TRRAP: variants seen among roughly 807,000 people sequenced by gnomAD.
TRRAP encodes the protein transformation/transcription domain associated protein, also known as transformation/transcription domain-associated protein.
TRRAP carries 41 observed loss-of-function variants against 438.8 expected under a neutral mutation model. The ratio of observed to expected loss-of-function variants is 0.09; its 90% CI spans 0.07 to 0.12. The LOEUF is 0.12. Ranked by LOEUF, TRRAP falls within the 10% of genes least tolerant of loss-of-function variation. The pLI, the probability that TRRAP is intolerant of heterozygous loss-of-function variation, is 1.00. For missense variants in TRRAP, 3,122 were observed against 5,055.1 expected (o/e 0.62, Z 11.60); for synonymous variants, 1,994 against 1,962.9 (o/e 1.02, Z -0.42).
chr7:98,990,721 A>T, intron 64 of TRRAP, 102 bp downstream of exon 64: 1 of 1,332,336 alleles, frequency 7.5e-7, no homozygotes, highest in South Asian at 1.6e-5. Context: ...TCAAAGTATT[A>T]AAAACAAGTT....
intron 39 of TRRAP, among the ~76,000 whole-genome samples, chr7:98,952,214 C>T (rs1344176695): frequency 6.6e-6 from 1 of 152,128 alleles, no homozygotes; most frequent in African/African-American, 2.4e-5. Flanking sequence ...AATAGAGATG[C>T]GTAGAATATT....
chr7:98,957,435 C>T (rs1791669498), intron 43 of TRRAP, among the ~76,000 whole-genome samples: 2 of 152,214 alleles, frequency 1.3e-5, no homozygotes, highest in Non-Finnish European at 2.9e-5. Flanking sequence ...GTGGATCTTA[C>T]AATCCTTTGG....
chr7:98,988,919 G>T lies in TRRAP; in HGVS notation c.9544G>T (p.Ala3182Ser). ...GTCTGCCATCACCTGCTACCTGCAC[G>T]CCTGCCGGCATCAGAACGAGAGCAA... is the stretch of plus-strand genomic sequence containing the variant. ...GVSAITCYLH[A>S]CRHQNESKSR... The change falls in exon 63 of 73, where the codon GCC becomes TCC. Residue 3182 changes from alanine to serine, a missense_variant. Physicochemically the swap from Ala to Ser is moderately conservative, Grantham distance 99. This residue lies in a region of TRRAP where 52 missense variants were observed against 88.3 expected (regional missense o/e 0.59). Transcript: ENST00000456197. The T allele has an allele frequency of 6.2e-7, 1 of 1,614,060 alleles. No individual in the cohort carries two copies. The highest frequency in any genetic ancestry group is 8.5e-7 in the Non-Finnish European group (1 of 1,180,000).
chr7:98,976,301 A>G lies in TRRAP; in HGVS notation c.7959+33A>G. 1.2e-6 allele frequency: 2 copies of G among 1,611,002 alleles called. No homozygotes were observed. The highest frequency in any genetic ancestry group is 1.7e-6 in the Non-Finnish European group (2 of 1,178,434). On this transcript the variant is annotated intron_variant, in intron 54 of 72. Coordinates refer to ENST00000456197, the MANE Select transcript of TRRAP (RefSeq NM_001375524.1). The surrounding 1 kb of genome is among the most constrained non-coding windows in gnomAD (Gnocchi z 4.6). ...TATCTTTAAAATCCTGTTTTGGAAA[A>G]TTGTAGTTTTAGCTTTTGGTAAGTA...
chr7:98,881,650 G>A (rs1240012753), intron 2 of TRRAP: 4 of 299,962 alleles, frequency 1.3e-5, no homozygotes, highest in Non-Finnish European at 2.5e-5. Context: ...GAGATTAATC[G>A]TAACAGTAAC....
At chr7:98,998,997 C>T in intron 67 of TRRAP, 1 of 639,982 alleles carries the variant, frequency 1.6e-6, no homozygotes, top group Non-Finnish European at 2.8e-6. Flanking sequence ...CAGGCCCCCA[C>T]AGGCGGGGGC....
Position 98,882,087 on chromosome 7 carries a change from C to G in TRRAP, c.150+63C>G, listed in dbSNP as rs537355650. ...AAATATTCTTATTCACTTTCCTGTC[C>G]TGCTTTGTCAGTCTTTTTACTAGCA... On this transcript the variant is annotated intron_variant, in intron 3 of 72. Coordinates refer to ENST00000456197, the MANE Select transcript of TRRAP (RefSeq NM_001375524.1). 1,672 of 1,404,594 alleles carry G rather than the reference C, an allele frequency of 1.2e-3. 5 individuals carry two copies. Among genetic ancestry groups the G allele is most frequent in the Non-Finnish European group, 1.5e-3 (1,573 of 1,017,922 alleles). The allele number at this position is 1,404,594 out of a possible 1,614,324, so 87.0% of individuals were successfully genotyped here. A position where few individuals can be genotyped will look rare whatever the true frequency, so the allele number is the denominator to read the frequency against.
Position 99,008,840 on chromosome 7 carries a change from C to T in TRRAP, c.10938+279C>T, listed in dbSNP as rs117748990. ...CCCTCTGCCTGTACTTACAAAGAAGCGCCGAAATTAGAATTTTAAAGTAAG... is the reference window on the plus strand; with the variant it reads ...CCCTCTGCCTGTACTTACAAAGAAGTGCCGAAATTAGAATTTTAAAGTAAG... On this transcript the variant is annotated intron_variant, in intron 70 of 72. Coordinates refer to ENST00000456197, the MANE Select transcript of TRRAP (RefSeq NM_001375524.1). Among the ~76,000 whole-genome samples, 155 of 152,272 alleles carry T rather than the reference C, an allele frequency of 1.0e-3. 3 individuals are homozygous for T. The East Asian group carries it at 0.021, about 21-fold the overall frequency.
At chr7:98,884,140 A>G (rs1795587558) in intron 3 of TRRAP, among the ~76,000 whole-genome samples, 1 of 152,238 alleles carries the variant, frequency 6.6e-6, no homozygotes, top group African/African-American at 2.4e-5. Flanking sequence ...CTGGGAGGTT[A>G]TTAAGATGTT....
intron 30 of TRRAP, among the ~76,000 whole-genome samples, chr7:98,938,379 A>G (rs903075491): frequency 6.6e-6 from 1 of 152,148 alleles, no homozygotes; most frequent in African/African-American, 2.4e-5. Flanking sequence ...AGATGGCTTA[A>G]AATTGAAAAG....
chr7:98,909,880 G>A (rs1245535508), intron 14 of TRRAP, among the ~76,000 whole-genome samples, 176 bp from the exon 15 acceptor site: 1 of 152,194 alleles, frequency 6.6e-6, no homozygotes, highest in Non-Finnish European at 1.5e-5. Flanking sequence ...AGTAACTGCA[G>A]TTTCATCAGA....
In TRRAP at chr7:98,993,574, A is replaced by G; in HGVS notation, c.9884A>G (p.Gln3295Arg). Reference sequence around the variant, plus strand: ...CAGCAGCCAAGTTCAGTGGGTAACCAGTCCCATTCTGCATCAGATCCAGGG... The same window carrying G: ...CAGCAGCCAAGTTCAGTGGGTAACCGGTCCCATTCTGCATCAGATCCAGGG... ...GQQQPSSVGN[Q>R]SHSASDPGPI... Residue 3295 changes from glutamine to arginine, a missense_variant, in exon 66 of 73, where the codon CAG becomes CGG. Physicochemically the swap from Gln to Arg is conservative, Grantham distance 43 (BLOSUM62 1). This residue lies in a region of TRRAP where 107 missense variants were observed against 327.5 expected (regional missense o/e 0.33). Coordinates refer to ENST00000456197, the MANE Select transcript of TRRAP (RefSeq NM_001375524.1). 1 of 1,613,596 alleles carries G rather than the reference A, an allele frequency of 6.2e-7. No individual in the cohort carries two copies. Among genetic ancestry groups the G allele is most frequent in the Non-Finnish European group, 8.5e-7 (1 of 1,180,042 alleles).
At chr7:98,905,872 C>T (rs2116381162) in intron 12 of TRRAP, among the ~76,000 whole-genome samples, 1 of 152,230 alleles carries the variant, frequency 6.6e-6, no homozygotes, top group African/African-American at 2.4e-5. Context: ...GGGATGTGCC[C>T]ACAGTTAAGT....
chr7:99,001,625 G>T (rs1014545815), intron 67 of TRRAP, among the ~76,000 whole-genome samples: 3 of 152,164 alleles, frequency 2.0e-5, no homozygotes, highest in African/African-American at 7.2e-5. Context: ...TCTCAGACAC[G>T]CACAGCCAGA....
rs782492849 is a variant in TRRAP, at chr7:98,897,735, A to G, written c.508-6A>G. On this transcript the variant is annotated splice_polypyrimidine_tract_variant and splice_region_variant and intron_variant, in intron 7 of 72. Transcript: ENST00000456197. Reference sequence around the variant, plus strand: ...AGGAAAAAATATTTTTATGACTTTTATGTAGAACCGCTACTTTGAGAACCC... The same window carrying G: ...AGGAAAAAATATTTTTATGACTTTTGTGTAGAACCGCTACTTTGAGAACCC... 2.7e-5 allele frequency: 43 copies of G among 1,606,740 alleles called. No homozygotes were observed. In the South Asian group the frequency reaches 4.5e-4, roughly 17 times the overall value.
chr7:99,002,835 A>G (rs553614175), intron 67 of TRRAP, among the ~76,000 whole-genome samples: 1 of 152,350 alleles, frequency 6.6e-6, no homozygotes, highest in Admixed American at 6.5e-5. Context: ...GCTGGGTGTT[A>G]TCACGCGTGG....
rs67173253 is a variant in TRRAP at position 98,951,059 on chromosome 7, CTG to C, written c.5463+89_5463+90del. On this transcript the variant is annotated intron_variant, in intron 39 of 72. Transcript: ENST00000456197. ...AGTAGCCTGGCATGTGGATGAACAT[CTG>C]TGTGTGTGTGTGTGTGTGTGTGTGT... 0.053 allele frequency: 51,280 copies of C among 966,548 alleles called. 2,614 individuals are homozygous for C. The highest frequency in any genetic ancestry group is 0.33 in the African/African-American group (20,185 of 60,892). 59.9% of individuals were successfully genotyped at this position (966,548 alleles called of 1,614,324 possible). A position where few individuals can be genotyped will look rare whatever the true frequency, so the allele number is the denominator to read the frequency against.
At chr7:98,886,912 A>T (rs1234867470) in intron 3 of TRRAP, among the ~76,000 whole-genome samples, 2 of 152,234 alleles carry the variant, frequency 1.3e-5, no homozygotes, top group East Asian at 1.9e-4. Flanking sequence ...ATTATAAAAA[A>T]TTTTTTTAGA....
At chr7:98,944,410 G>T (rs1790947360) in intron 31 of TRRAP, among the ~76,000 whole-genome samples, 1 of 152,184 alleles carries the variant, frequency 6.6e-6, no homozygotes, top group African/African-American at 2.4e-5. Flanking sequence ...GGAGGTGGGG[G>T]TGCAGTTGTA....
Sources: allele counts gnomAD v4.1 joint callset (sites outside exome capture counted in the v4.1 genomes callset), GRCh38; gene constraint gnomAD v4.1.1; regional missense constraint gnomAD v4.1.1; non-coding constraint Gnocchi (gnomAD v3.1); transcripts MANE v1.5; gene names NCBI Gene and HGNC (gene_info 2026-07-23, HGNC 2026-07-21).